The following SLC16A7 variants were observed in gnomAD, a reference collection of about 807,000 sequenced individuals.
The protein encoded by SLC16A7 is monocarboxylate transporter 2.
Under a neutral mutation model 34.9 loss-of-function variants are expected in SLC16A7, and 33 were observed. The ratio of observed to expected loss-of-function variants is 0.94; its 90% confidence interval spans 0.72 to 1.26. The LOEUF (loss-of-function observed/expected upper bound fraction) is 1.26, where lower values mean the gene tolerates loss of function less well. Among genes scored for constraint, SLC16A7 ranks in the 50% most tolerant of loss-of-function variants. SLC16A7 has a pLI of 0.00. For synonymous variants in SLC16A7, 201 were observed against 206.6 expected (o/e 0.97, Z 0.23); for missense variants, 573 against 578.1 (o/e 0.99, Z 0.09).
intron 5 of SLC16A7, among the ~76,000 whole-genome samples, chr12:59,777,424 G>A (rs1026485985): frequency 3.3e-5 from 5 of 152,062 alleles, no homozygotes; most frequent in Admixed American, 6.6e-5. Flanking sequence ...TTGCTGTTAC[G>A]TCTTACATAG....
chr12:59,656,451 T>G (rs1374194347), intron 2 of SLC16A7, among the ~76,000 whole-genome samples: 1 of 151,964 alleles, frequency 6.6e-6, no homozygotes, highest in Non-Finnish European at 1.5e-5. Context: ...GATGTAGGAA[T>G]GCAGCCAGAA....
chr12:59,723,590 T>C (rs12821998), intron 3 of SLC16A7, among the ~76,000 whole-genome samples: 11,601 of 151,958 alleles, frequency 0.076, 537 homozygotes, highest in Middle Eastern at 0.17. Flanking sequence ...ATAAAAAAGG[T>C]TTGAAATGTT....
At chr12:59,704,212 A>G (rs1193918581) in intron 2 of SLC16A7, among the ~76,000 whole-genome samples, 1 of 142,656 alleles carries the variant, frequency 7.0e-6, no homozygotes, top group Non-Finnish European at 1.5e-5. Context: ...AAAAAAAAAA[A>G]AAAAAAGAAA....
At chr12:59,669,700 G>T (rs531727106) in intron 2 of SLC16A7, among the ~76,000 whole-genome samples, 145 of 110,364 alleles carry the variant, frequency 1.3e-3, no homozygotes, top group African/African-American at 5.1e-3. Flanking sequence ...TATCTAAACG[G>T]GAGAGAAACA....
chr12:59,701,849 A>G (rs1376349427), intron 2 of SLC16A7, among the ~76,000 whole-genome samples: 1 of 151,838 alleles, frequency 6.6e-6, no homozygotes, highest in Non-Finnish European at 1.5e-5. Flanking sequence ...GTGAAAAATA[A>G]ATAATCCAGT....
intron 3 of SLC16A7, among the ~76,000 whole-genome samples, chr12:59,760,212 T>A (rs1880858414): frequency 3.9e-5 from 6 of 152,108 alleles, no homozygotes; most frequent in Admixed American, 3.9e-4. Flanking sequence ...CTAGATTTTA[T>A]TCCCTCTAAA....
intron 3 of SLC16A7, among the ~76,000 whole-genome samples, chr12:59,758,337 T>G (rs1880630634): frequency 6.6e-6 from 1 of 152,120 alleles, no homozygotes; most frequent in Non-Finnish European, 1.5e-5. Context: ...TATTCTATAT[T>G]TTCCAGCAGA....
intron 3 of SLC16A7, among the ~76,000 whole-genome samples, chr12:59,751,771 G>A (rs1186801671): frequency 6.6e-6 from 1 of 152,240 alleles, no homozygotes; most frequent in Non-Finnish European, 1.5e-5. Flanking sequence ...CCAGCATGCA[G>A]CTGGAGATCT....
intron 1 of SLC16A7, among the ~76,000 whole-genome samples, chr12:59,632,989 T>C (rs1255374373): frequency 6.6e-6 from 1 of 151,968 alleles, no homozygotes; most frequent in East Asian, 1.9e-4. Context: ...GTGAGGTATC[T>C]ATTCTGCTCT....
chr12:59,777,487 T>C (rs1882873305), intron 5 of SLC16A7, among the ~76,000 whole-genome samples: 1 of 152,098 alleles, frequency 6.6e-6, no homozygotes, highest in Non-Finnish European at 1.5e-5. Flanking sequence ...TTCATATTTG[T>C]TTTTTTCAGA....
At chr12:59,769,211 T>C (rs747185953) in intron 3 of SLC16A7, 1 of 152,156 alleles carries the variant, frequency 6.6e-6, no homozygotes, top group Non-Finnish European at 1.5e-5. Context: ...ACACTTAATA[T>C]AGTGTGTAAA....
intron 1 of SLC16A7, among the ~76,000 whole-genome samples, chr12:59,600,624 A>T (rs1878637742): frequency 6.6e-6 from 1 of 152,170 alleles, no homozygotes; most frequent in African/African-American, 2.4e-5. Flanking sequence ...AATAAATAAC[A>T]CTTATCACAC....
At chr12:59,665,362 T>G (rs984698510) in intron 2 of SLC16A7, among the ~76,000 whole-genome samples, 2 of 152,062 alleles carry the variant, frequency 1.3e-5, no homozygotes, top group Non-Finnish European at 2.9e-5. Flanking sequence ...TATTTGTATT[T>G]CATATTATAA....
intron 3 of SLC16A7, among the ~76,000 whole-genome samples, chr12:59,749,108 C>A (rs1450590218): frequency 6.6e-6 from 1 of 151,998 alleles, no homozygotes; most frequent in Non-Finnish European, 1.5e-5. Flanking sequence ...GAAAAAAATG[C>A]CACAAAGGAA....
At chr12:59,714,831 C>T (rs1874709571) in intron 3 of SLC16A7, among the ~76,000 whole-genome samples, 1 of 152,132 alleles carries the variant, frequency 6.6e-6, no homozygotes, top group South Asian at 2.1e-4. Flanking sequence ...TCCCAAAGTG[C>T]TGGGATTACA....
intron 2 of SLC16A7, among the ~76,000 whole-genome samples, chr12:59,672,436 T>C (rs1015851920): frequency 6.6e-6 from 1 of 150,872 alleles, no homozygotes; most frequent in African/African-American, 2.4e-5. Flanking sequence ...TTATCTCCCA[T>C]CTTGTGTGGA....
Position 59,786,796 on chromosome 12 carries a change from C to A in SLC16A7, c.*7117C>A, listed in dbSNP as rs1385919313. On this transcript the variant is annotated 3_prime_UTR_variant, in exon 6 of 6. Coordinates refer to ENST00000547379, the MANE Select transcript of SLC16A7 (RefSeq NM_001270623.2). ...TTCAGGTCTTTTAACTTCTAACACACTTTTTTCTCCATTGCACTACAGAAG... is the reference window on the plus strand; with the variant it reads ...TTCAGGTCTTTTAACTTCTAACACAATTTTTTCTCCATTGCACTACAGAAG... The A allele has an allele frequency of 6.6e-6, 1 of 152,084 alleles. No individual in the cohort carries two copies. The highest frequency in any genetic ancestry group is 2.4e-5 in the African/African-American group (1 of 41,410). The allele number at this position is 152,084 out of a possible 1,614,324, so 9.4% of individuals were successfully genotyped here.
At chr12:59,717,315 G>A (rs1875030755) in intron 3 of SLC16A7, among the ~76,000 whole-genome samples, 1 of 152,068 alleles carries the variant, frequency 6.6e-6, no homozygotes, top group Non-Finnish European at 1.5e-5. Context: ...CACAGAGGTT[G>A]TCATTAACTT....
At chr12:59,716,931 C>A (rs547438337) in intron 3 of SLC16A7, among the ~76,000 whole-genome samples, 47 of 152,054 alleles carry the variant, frequency 3.1e-4, no homozygotes, top group Non-Finnish European at 4.4e-4. Flanking sequence ...AGGAAAAAAT[C>A]GTATAGTAAG....
Sources: allele counts gnomAD v4.1 joint callset (sites outside exome capture counted in the v4.1 genomes callset), GRCh38; gene constraint gnomAD v4.1.1; transcripts MANE v1.5; gene names NCBI Gene and HGNC (gene_info 2026-07-23, HGNC 2026-07-21).